The following ITPR1 variants were observed in gnomAD, a reference collection of about 807,000 sequenced individuals.
The protein encoded by ITPR1 is inositol 1,4,5-trisphosphate receptor type 1.
Under a neutral mutation model 318.4 loss-of-function variants are expected in ITPR1, and 96 were observed. The ratio of observed to expected loss-of-function variants is 0.30; its 90% CI spans 0.26 to 0.36. The LOEUF is 0.36. ITPR1 is among the 10% of genes least tolerant of loss of function. The pLI is 1.00. For missense variants in ITPR1, 2,440 were observed against 3,460.2 expected (o/e 0.71, Z 7.40); for synonymous variants, 1,312 against 1,289.9 (o/e 1.02, Z -0.37).
intron 44 of ITPR1, among the ~76,000 whole-genome samples, chr3:4,738,355 G>C (rs142502350): frequency 3.3e-5 from 5 of 152,338 alleles, no homozygotes; most frequent in African/African-American, 4.8e-5. Flanking sequence ...GGGACTAAAG[G>C]GGTGGGGGTG....
chr3:4,725,351 A>G (rs2042434924), intron 40 of ITPR1, among the ~76,000 whole-genome samples, 195 bp from the exon 41 acceptor site: 1 of 151,770 alleles, frequency 6.6e-6, no homozygotes. Context: ...CTCCAGCACA[A>G]CCACATTCAG....
intron 17 of ITPR1, among the ~76,000 whole-genome samples, chr3:4,666,407 C>G (rs1212003151): frequency 6.6e-6 from 1 of 152,174 alleles, no homozygotes; most frequent in Non-Finnish European, 1.5e-5. Context: ...CTGTTCCTCT[C>G]TCCCATCTTC....
At chr3:4,543,286 A>G (rs371395299) in intron 4 of ITPR1, among the ~76,000 whole-genome samples, 3 of 151,952 alleles carry the variant, frequency 2.0e-5, no homozygotes, top group South Asian at 4.2e-4. Context: ...GAAAAAAAAG[A>G]AAAAAGCAAT....
chr3:4,710,543 G>A lies in ITPR1; in HGVS notation c.4991+70G>A, dbSNP rs770541358. ...ATGACCTCACAAAGCTTTTGTTCCCGAAGAAGGAGACGTTGTCCTGTTTTT... is the reference window on the plus strand; with the variant it reads ...ATGACCTCACAAAGCTTTTGTTCCCAAAGAAGGAGACGTTGTCCTGTTTTT... On this transcript the variant is annotated intron_variant, in intron 38 of 61. Coordinates refer to ENST00000649015, the MANE Select transcript of ITPR1 (RefSeq NM_001378452.1). This position sits in a 1 kb window ranked among gnomAD's most constrained non-coding sequence, Gnocchi z 4.2. 256 of 1,452,094 alleles carry A rather than the reference G, an allele frequency of 1.8e-4. No individual in the cohort carries two copies. The highest frequency in any genetic ancestry group is 3.5e-4 in the Middle Eastern group (2 of 5,740). 90.0% of individuals were successfully genotyped at this position (1,452,094 alleles called of 1,614,324 possible).
chr3:4,516,611 A>T, intron 3 of ITPR1, 28 bp downstream of exon 3: 1 of 1,407,662 alleles, frequency 7.1e-7, no homozygotes, highest in Non-Finnish European at 1.0e-6. Flanking sequence ...CTTGTGTGGC[A>T]CGGTTTGTTT....
intron 53 of ITPR1, among the ~76,000 whole-genome samples, chr3:4,795,797 G>A (rs1320855422): frequency 6.6e-6 from 1 of 152,130 alleles, no homozygotes; most frequent in Non-Finnish European, 1.5e-5. Flanking sequence ...CTCCTTCCAG[G>A]CTACACATTT....
chr3:4,835,741 A>AACTT (rs1292659620), intron 60 of ITPR1, among the ~76,000 whole-genome samples: 2 of 152,156 alleles, frequency 1.3e-5, no homozygotes, highest in Admixed American at 6.5e-5. Flanking sequence ...CTCTGTACAG[A>AACTT]ACTTATGTAT....
chr3:4,707,324 G>C (rs2094780054), intron 37 of ITPR1, among the ~76,000 whole-genome samples: 1 of 152,192 alleles, frequency 6.6e-6, no homozygotes, highest in Non-Finnish European at 1.5e-5. Flanking sequence ...AGTGACTGCG[G>C]TTGGACTCAT....
At chr3:4,738,835 ATGTTTTCTCTTGGGGGAACGCAGGGG>A (rs2043482394) in intron 44 of ITPR1, among the ~76,000 whole-genome samples, 2 of 152,144 alleles carry the variant, frequency 1.3e-5, no homozygotes, top group African/African-American at 4.8e-5. Context: ...TGGAGCAGGG[ATGTTTTCTCTTGGGGGAACGCAGGGG>A]TGGTGTGGGG....
At chr3:4,636,934 C>T (rs976569470) in intron 5 of ITPR1, among the ~76,000 whole-genome samples, 22 of 152,178 alleles carry the variant, frequency 1.4e-4, no homozygotes, top group African/African-American at 2.2e-4. Flanking sequence ...GTAACCATTG[C>T]GTTGCTGTTG....
intron 35 of ITPR1, among the ~76,000 whole-genome samples, chr3:4,700,317 A>G (rs2094626919): frequency 1.3e-5 from 2 of 152,206 alleles, no homozygotes; most frequent in Admixed American, 1.3e-4. Context: ...TCAGACTATA[A>G]GCTACATGAA....
chr3:4,730,410 TG>T (rs1559788573), intron 42 of ITPR1, among the ~76,000 whole-genome samples: 3,148 of 145,622 alleles, frequency 0.022, 93 homozygotes, highest in African/African-American at 0.046. Context: ...TGTGTGTGTG[TG>T]TGTGTGTGTT....
rs1281828075 is a variant in ITPR1 at position 4,836,696 on chromosome 3, G to A, written c.8029-78G>A. 8.0e-6 allele frequency: 10 copies of A among 1,245,118 alleles called. No homozygotes were observed. In the South Asian group the frequency reaches 1.2e-4, roughly 14 times the overall value. 77.1% of individuals were successfully genotyped at this position (1,245,118 alleles called of 1,614,324 possible). The stretch of plus-strand genomic sequence containing the variant: ...AGAGTTAGGAAACATGGCACGGTAA[G>A]CTGGCCTTTCTTGTTTTTACCTCTA... On this transcript the variant is annotated intron_variant, in intron 60 of 61. Coordinates refer to ENST00000649015, the MANE Select transcript of ITPR1 (RefSeq NM_001378452.1).
Position 4,657,960 on chromosome 3 carries a change from G to A in ITPR1, c.997-164G>A, listed in dbSNP as rs75475590. Among the ~76,000 whole-genome samples, 3,258 of 152,214 alleles carry A rather than the reference G, an allele frequency of 0.021. 118 individuals are homozygous for A. The highest frequency in any genetic ancestry group is 0.075 in the African/African-American group (3,099 of 41,514). On this transcript the variant is annotated intron_variant, in intron 12 of 61. Transcript: ENST00000649015. ...GAGCGTAAATATCCCTGGCTGCATG[G>A]CCAGTTGTCATCTTTTAGGACTGCT...
At chr3:4,671,031 T>C in intron 20 of ITPR1, 105 bp downstream of exon 20, 3 of 782,210 alleles carry the variant, frequency 3.8e-6, no homozygotes, top group Non-Finnish European at 5.8e-6. Context: ...CAAGGAGTCA[T>C]CTTGTAAGAT....
intron 5 of ITPR1, among the ~76,000 whole-genome samples, chr3:4,635,464 C>G (rs1185977394): frequency 6.6e-6 from 1 of 152,128 alleles, no homozygotes; most frequent in Non-Finnish European, 1.5e-5. Context: ...CCTCAGCCTC[C>G]CGAGTAGCTG....
chr3:4,526,855 GTCTACA>G (rs1245346769), intron 4 of ITPR1, among the ~76,000 whole-genome samples: 1 of 152,210 alleles, frequency 6.6e-6, no homozygotes, highest in Non-Finnish European at 1.5e-5. Flanking sequence ...TCTCAAAGAA[GTCTACA>G]TCAATATGTA....
Position 4,624,619 on chromosome 3 carries a change from G to A in ITPR1, c.164-3144G>A, listed in dbSNP as rs543973394. 6.8e-4 allele frequency among the ~76,000 whole-genome samples: 98 copies of A among 143,466 alleles called. 1 individual carries two copies. The highest frequency in any genetic ancestry group is 2.3e-3 in the African/African-American group (88 of 37,786). 94.1% of individuals were successfully genotyped at this position (143,466 alleles called of 152,430 possible). On this transcript the variant is annotated intron_variant, in intron 4 of 61. Coordinates refer to ENST00000649015, the MANE Select transcript of ITPR1 (RefSeq NM_001378452.1). ...CGGGAGGCAGAGGTTACAGTGAGCC[G>A]AGATCGTGCCACTGCACTCCAGCCT...
chr3:4,656,852 C>T (rs1402187989), intron 12 of ITPR1, among the ~76,000 whole-genome samples: 1 of 152,194 alleles, frequency 6.6e-6, no homozygotes, highest in Non-Finnish European at 1.5e-5. Context: ...GGCTGTCATC[C>T]TGCAAGGATG....
Sources: allele counts gnomAD v4.1 joint callset (sites outside exome capture counted in the v4.1 genomes callset), GRCh38; gene constraint gnomAD v4.1.1; non-coding constraint Gnocchi (gnomAD v3.1); transcripts MANE v1.5; gene names NCBI Gene and HGNC (gene_info 2026-07-23, HGNC 2026-07-21).